The following HS6ST3 variants were observed in gnomAD, a reference collection of about 807,000 sequenced individuals.
HS6ST3 encodes the protein heparan sulfate 6-O-sulfotransferase 3, also known as heparan-sulfate 6-O-sulfotransferase 3.
In HS6ST3, 12 loss-of-function variants were observed where a neutral mutation model predicts 36.7. The observed-to-expected ratio is 0.33, with a 90% CI of 0.21 to 0.53. The LOEUF is 0.53. HS6ST3 is among the 20% of genes least tolerant of loss of function. HS6ST3 has a pLI of 0.95. For synonymous variants in HS6ST3, 240 were observed against 257.5 expected (o/e 0.93, Z 0.65); for missense variants, 584 against 640.9 (o/e 0.91, Z 0.96).
intron 1 of HS6ST3, among the ~76,000 whole-genome samples, chr13:96,764,751 TTCTC>T (rs1877057331): frequency 6.6e-6 from 1 of 152,288 alleles, no homozygotes; most frequent in Non-Finnish European, 1.5e-5. Context: ...CTTTGGCTCT[TTCTC>T]ATATTTTCAA....
At chr13:96,644,306 T>C (rs2056580564) in intron 1 of HS6ST3, among the ~76,000 whole-genome samples, 1 of 152,066 alleles carries the variant, frequency 6.6e-6, no homozygotes, top group African/African-American at 2.4e-5. Flanking sequence ...TTGACATTCA[T>C]CAATTATGTC....
intron 1 of HS6ST3, among the ~76,000 whole-genome samples, chr13:96,288,040 A>G (rs574452807): frequency 6.6e-6 from 1 of 152,172 alleles, no homozygotes; most frequent in Non-Finnish European, 1.5e-5. Flanking sequence ...TCTCAACTTC[A>G]TTTGGGAACT....
intron 1 of HS6ST3, among the ~76,000 whole-genome samples, chr13:96,599,534 T>C (rs1296933068): frequency 6.6e-6 from 1 of 152,040 alleles, no homozygotes; most frequent in Non-Finnish European, 1.5e-5. Flanking sequence ...TTTTTTTTCT[T>C]GGTTAATCTA....
chr13:96,611,954 G>A (rs2056458412), intron 1 of HS6ST3, among the ~76,000 whole-genome samples: 1 of 152,152 alleles, frequency 6.6e-6, no homozygotes, highest in Admixed American at 6.5e-5. Context: ...GCATTTGCAA[G>A]AATGGATTCC....
intron 1 of HS6ST3, among the ~76,000 whole-genome samples, chr13:96,551,787 G>A (rs944774318): frequency 9.9e-5 from 15 of 152,106 alleles, no homozygotes; most frequent in East Asian, 5.8e-4. Context: ...GCCACCCGCC[G>A]GAGCATACTT....
chr13:96,380,869 G>C (rs1448785118), intron 1 of HS6ST3, among the ~76,000 whole-genome samples: 3 of 152,122 alleles, frequency 2.0e-5, no homozygotes, highest in African/African-American at 7.2e-5. Context: ...AGACCTGATC[G>C]CTACTCAGAA....
At chr13:96,819,061 A>C (rs1455526455) in intron 1 of HS6ST3, among the ~76,000 whole-genome samples, 1 of 152,250 alleles carries the variant, frequency 6.6e-6, no homozygotes, top group Non-Finnish European at 1.5e-5. Context: ...TAAGAAAGCA[A>C]CCCACTATTT....
At chr13:96,659,176 A>G (rs1405335868) in intron 1 of HS6ST3, among the ~76,000 whole-genome samples, 1 of 152,204 alleles carries the variant, frequency 6.6e-6, no homozygotes, top group African/African-American at 2.4e-5. Context: ...ATTATTGCCA[A>G]CAAGTGGCAT....
intron 1 of HS6ST3, among the ~76,000 whole-genome samples, chr13:96,423,293 A>C (rs141809642): frequency 6.6e-6 from 1 of 152,148 alleles, no homozygotes; most frequent in Non-Finnish European, 1.5e-5. Context: ...GAGAATTCCC[A>C]TGATGTGCCT....
intron 1 of HS6ST3, among the ~76,000 whole-genome samples, chr13:96,130,741 A>G (rs1010039043): frequency 1.3e-5 from 2 of 152,176 alleles, no homozygotes; most frequent in Non-Finnish European, 2.9e-5. Flanking sequence ...GTATTGCATT[A>G]AAAACTGCTT....
intron 1 of HS6ST3, among the ~76,000 whole-genome samples, chr13:96,599,072 A>AT (rs1245389190): frequency 6.6e-6 from 1 of 151,816 alleles, no homozygotes; most frequent in Non-Finnish European, 1.5e-5. Context: ...GTTTGCTAGT[A>AT]TTTTTTTGAG....
chr13:96,651,444 C>G (rs2056606795), intron 1 of HS6ST3, among the ~76,000 whole-genome samples: 2 of 151,988 alleles, frequency 1.3e-5, no homozygotes, highest in Admixed American at 1.3e-4. Context: ...ACCCCAAAAT[C>G]TTGCCTCCTC....
At chr13:96,711,196 C>T (rs1875552656) in intron 1 of HS6ST3, among the ~76,000 whole-genome samples, 2 of 152,076 alleles carry the variant, frequency 1.3e-5, no homozygotes, top group Admixed American at 6.5e-5. Flanking sequence ...GCTTGTCTCC[C>T]CCTTGGTTGG....
chr13:96,808,906 A>T (rs1348682634), intron 1 of HS6ST3, among the ~76,000 whole-genome samples: 2 of 152,186 alleles, frequency 1.3e-5, no homozygotes, highest in Non-Finnish European at 2.9e-5. Flanking sequence ...CTTGGGAATT[A>T]AAGAGGAGGA....
intron 1 of HS6ST3, among the ~76,000 whole-genome samples, chr13:96,783,173 C>T (rs1376723427): frequency 1.3e-5 from 2 of 152,116 alleles, no homozygotes; most frequent in Non-Finnish European, 2.9e-5. Flanking sequence ...ACTGGCTGAA[C>T]CCTGACTGTC....
intron 1 of HS6ST3, among the ~76,000 whole-genome samples, chr13:96,204,496 G>A (rs1289865848): frequency 6.6e-6 from 1 of 151,926 alleles, no homozygotes; most frequent in Non-Finnish European, 1.5e-5. Flanking sequence ...TCTGGGTCAA[G>A]TGGATAGATA....
At chr13:96,092,599 A>G (rs1197072419) in intron 1 of HS6ST3, among the ~76,000 whole-genome samples, 3 of 152,218 alleles carry the variant, frequency 2.0e-5, no homozygotes, top group Non-Finnish European at 4.4e-5. Flanking sequence ...TTTATCTTAA[A>G]GGTTTCAAAC....
At chr13:96,336,893 A>C (rs750641351) in intron 1 of HS6ST3, among the ~76,000 whole-genome samples, 11 of 152,190 alleles carry the variant, frequency 7.2e-5, no homozygotes, top group Non-Finnish European at 1.2e-4. Context: ...GTGAGCCAAG[A>C]AGTATGCTCT....
In HS6ST3 at chr13:96,279,116, C is replaced by T. The variant is rs2054762440; in HGVS notation, c.707+187547C>T. Among the ~76,000 whole-genome samples, 2 of 152,044 alleles carry T rather than the reference C, an allele frequency of 1.3e-5. 1 individual carries two copies. Among genetic ancestry groups the T allele is most frequent in the South Asian group, 4.2e-4 (2 of 4,816 alleles). On this transcript the variant is annotated intron_variant, in intron 1 of 1. Coordinates refer to ENST00000376705, the MANE Select transcript of HS6ST3 (RefSeq NM_153456.4). ...AAACCATCAGAGAGTAATTGACTTT[C>T]AATGTATCATTTTAATTGTATATAA...
Sources: gnomAD v4.1 joint callset for allele counts (sites outside exome capture counted in the v4.1 genomes callset) on GRCh38, gnomAD v4.1.1 for gene constraint, MANE v1.5 for transcripts, NCBI Gene and HGNC (gene_info 2026-07-23, HGNC 2026-07-21) for gene names.